Variants in PRKN observed in about 807,000 individuals in gnomAD.
PRKN encodes the protein parkin RBR E3 ubiquitin protein ligase, also known as E3 ubiquitin-protein ligase parkin.
A neutral mutation model predicts 59.5 loss-of-function variants in PRKN; 56 were observed. The observed-to-expected ratio is 0.94, with a 90% CI of 0.76 to 1.18. The LOEUF is 1.18. Ranked by LOEUF, PRKN falls within the 50% of genes most tolerant of loss-of-function variation. The probability of loss-of-function intolerance (pLI) is 0.00; values close to 1 mark genes in which losing one functional copy is unlikely to be tolerated. For synonymous variants in PRKN, 250 were observed against 222.1 expected, an observed-to-expected ratio of 1.13 and a Z score of -1.12; for missense variants, 657 against 596.4, an observed-to-expected ratio of 1.10 and a Z score of -1.06.
At chr6:162,274,486 C>A (rs1027792962) in intron 2 of PRKN, among the ~76,000 whole-genome samples, 2 of 152,066 alleles carry the variant, frequency 1.3e-5, no homozygotes, top group African/African-American at 2.4e-5. Flanking sequence ...CTGTGCCTGG[C>A]GTTCAATGTT....
chr6:161,901,225 C>T (rs964089491), intron 6 of PRKN, among the ~76,000 whole-genome samples: 3 of 151,934 alleles, frequency 2.0e-5, no homozygotes, highest in South Asian at 2.1e-4. Context: ...TGTGAGCCAC[C>T]GCGTCCAGCC....
chr6:161,534,829 CT>C (rs1177004690), intron 9 of PRKN, among the ~76,000 whole-genome samples: 1 of 152,134 alleles, frequency 6.6e-6, no homozygotes, highest in Non-Finnish European at 1.5e-5. Flanking sequence ...AAAGAATATA[CT>C]GAATTTTCCC....
At chr6:161,608,519 G>C (rs1420119792) in intron 7 of PRKN, among the ~76,000 whole-genome samples, 1 of 151,836 alleles carries the variant, frequency 6.6e-6, no homozygotes, top group Non-Finnish European at 1.5e-5. Flanking sequence ...AAAATAGCTG[G>C]ATAGTCATAC....
intron 3 of PRKN, among the ~76,000 whole-genome samples, chr6:162,236,734 G>T (rs1778739830): frequency 6.6e-6 from 1 of 152,034 alleles, no homozygotes; most frequent in Non-Finnish European, 1.5e-5. Context: ...CGCAGAGGTT[G>T]CAGTGAGCCG....
chr6:162,010,388 TA>T, intron 5 of PRKN, among the ~76,000 whole-genome samples: 9 of 93,522 alleles, frequency 9.6e-5, no homozygotes, highest in African/African-American at 4.1e-4. Flanking sequence ...ATATATAATA[TA>T]TAAATAATAT....
chr6:162,399,397 T>C (rs1265017505), intron 2 of PRKN, among the ~76,000 whole-genome samples: 1 of 152,108 alleles, frequency 6.6e-6, no homozygotes, highest in East Asian at 1.9e-4. Flanking sequence ...AAGCAGTCTG[T>C]ATCCATGAGG....
At chr6:162,362,937 A>T (rs947103616) in intron 2 of PRKN, among the ~76,000 whole-genome samples, 4 of 151,330 alleles carry the variant, frequency 2.6e-5, no homozygotes, top group African/African-American at 9.7e-5. Context: ...GACCATCCTG[A>T]CTAACACGGT....
intron 1 of PRKN, among the ~76,000 whole-genome samples, chr6:162,720,273 G>T (rs898008729): frequency 6.6e-6 from 1 of 152,118 alleles, no homozygotes; most frequent in African/African-American, 2.4e-5. Context: ...TGTGCAAAAT[G>T]GGTGAGGCTG....
In PRKN at chr6:161,524,637, A is replaced by C. The variant is rs140329320; in HGVS notation, c.1083+24217T>G. Reference sequence around the variant, plus strand: ...ATTGAAGGTTTTGAATTCCAGAGGGATTATGCTTTTCGGAGCTGAATTTCC... The same window carrying C: ...ATTGAAGGTTTTGAATTCCAGAGGGCTTATGCTTTTCGGAGCTGAATTTCC... On this transcript the variant is annotated intron_variant, in intron 9 of 11. Coordinates refer to ENST00000366898, the MANE Select transcript of PRKN (RefSeq NM_004562.3). Among the ~76,000 whole-genome samples the C allele has an allele frequency of 4.3e-3, 661 of 152,284 alleles. 7 individuals carry two copies. Among genetic ancestry groups the C allele is most frequent in the Middle Eastern group, 0.017 (5 of 294 alleles).
In PRKN at chr6:162,701,237, A is replaced by T. The variant is rs868648393; in HGVS notation, c.7+26425T>A. 1.4e-4 allele frequency among the ~76,000 whole-genome samples: 22 copies of T among 152,200 alleles called. 1 individual carries two copies. The highest frequency in any genetic ancestry group is 2.0e-4 in the Admixed American group (3 of 15,270). On this transcript the variant is annotated intron_variant, in intron 1 of 11. Transcript: ENST00000366898. The stretch of plus-strand genomic sequence containing the variant: ...TTATAATTGTAATGAACAACAACAA[A>T]AAAGCAGCTGTTGCTTCGGACTAAA...
At chr6:162,661,528 G>T (rs983823355) in intron 1 of PRKN, among the ~76,000 whole-genome samples, 1 of 152,118 alleles carries the variant, frequency 6.6e-6, no homozygotes, top group African/African-American at 2.4e-5. Context: ...CCTGGCGGTG[G>T]CCTTATTAGG....
At chr6:161,687,696 T>A (rs1243920457) in intron 7 of PRKN, among the ~76,000 whole-genome samples, 3 of 151,850 alleles carry the variant, frequency 2.0e-5, no homozygotes, top group Admixed American at 6.6e-5. Flanking sequence ...GACCTGATGA[T>A]CCGCCTGCCT....
intron 1 of PRKN, among the ~76,000 whole-genome samples, chr6:162,605,672 T>C (rs949153759): frequency 6.6e-6 from 1 of 152,156 alleles, no homozygotes; most frequent in Non-Finnish European, 1.5e-5. Flanking sequence ...TATACTTATA[T>C]AGACATATAT....
chr6:162,030,177 C>T (rs1262280832), intron 5 of PRKN, among the ~76,000 whole-genome samples: 1 of 152,128 alleles, frequency 6.6e-6, no homozygotes, highest in African/African-American at 2.4e-5. Flanking sequence ...TCAGAACCCC[C>T]CAAATTTCCC....
intron 6 of PRKN, among the ~76,000 whole-genome samples, chr6:161,823,365 T>A (rs901272275): frequency 1.3e-5 from 2 of 152,184 alleles, no homozygotes; most frequent in Admixed American, 1.3e-4. Flanking sequence ...TAATTCATTA[T>A]CATATGCAAC....
intron 7 of PRKN, among the ~76,000 whole-genome samples, chr6:161,602,110 A>G (rs1181793273): frequency 6.6e-6 from 1 of 151,726 alleles, no homozygotes; most frequent in Non-Finnish European, 1.5e-5. Flanking sequence ...GAGATTATCT[A>G]TCTATCTATC....
intron 7 of PRKN, among the ~76,000 whole-genome samples, chr6:161,657,565 T>G (rs78879020): frequency 0.011 from 1,603 of 152,272 alleles, 33 homozygotes; most frequent in East Asian, 0.069. Context: ...CCTAAGGAGA[T>G]GGAACTCACT....
chr6:161,904,441 GA>G (rs1277299850), intron 6 of PRKN, among the ~76,000 whole-genome samples: 1 of 147,342 alleles, frequency 6.8e-6, no homozygotes, highest in Non-Finnish European at 1.5e-5. Context: ...TCAGCCTCCC[GA>G]GTAGCTGGGA....
intron 3 of PRKN, among the ~76,000 whole-genome samples, chr6:162,239,958 A>G (rs2128090885): frequency 6.6e-6 from 1 of 152,262 alleles, no homozygotes; most frequent in Non-Finnish European, 1.5e-5. Context: ...TCCTAATATA[A>G]CAGCATGAGT....
Sources: gnomAD v4.1 joint callset for allele counts (sites outside exome capture counted in the v4.1 genomes callset) on GRCh38, gnomAD v4.1.1 for gene constraint, MANE v1.5 for transcripts, NCBI Gene and HGNC (gene_info 2026-07-23, HGNC 2026-07-21) for gene names.